The following DENND2A variants were observed in gnomAD, a reference collection of about 807,000 sequenced individuals.
DENND2A encodes DENN domain-containing protein 2A.
Under a neutral mutation model 105.3 loss-of-function variants are expected in DENND2A, and 53 were observed. That is an observed-to-expected ratio of 0.50 (90% CI 0.40 to 0.63). DENND2A has a LOEUF of 0.63. Ranked by LOEUF, DENND2A falls within the 30% of genes least tolerant of loss-of-function variation. The probability of loss-of-function intolerance (pLI) is 0.00; values close to 1 mark genes in which losing one functional copy is unlikely to be tolerated. For synonymous variants in DENND2A, 522 were observed against 508.4 expected, an observed-to-expected ratio of 1.03 and a Z score of -0.36; for missense variants, 1,138 against 1,279.6, an observed-to-expected ratio of 0.89 and a Z score of 1.69.
chr7:140,635,255 G>C (rs269251), intron 1 of DENND2A, among the ~76,000 whole-genome samples: 14,624 of 152,058 alleles, frequency 0.096, 2,281 homozygotes, highest in African/African-American at 0.33. Flanking sequence ...AGAGCAAGAC[G>C]CTGTCTAAAA....
At chr7:140,539,714 G>A (rs527672429) in intron 14 of DENND2A, among the ~76,000 whole-genome samples, 7 of 152,362 alleles carry the variant, frequency 4.6e-5, no homozygotes, top group Admixed American at 3.9e-4. Flanking sequence ...GAAGGCGCCC[G>A]GCACAGAGGC....
chr7:140,639,689 T>C (rs1801111181), intron 1 of DENND2A, among the ~76,000 whole-genome samples: 2 of 152,200 alleles, frequency 1.3e-5, no homozygotes, highest in Admixed American at 1.3e-4. Context: ...CCGATGTCAT[T>C]TGGAACCTTG....
intron 6 of DENND2A, 71 bp from the exon 7 acceptor site, chr7:140,569,809 T>G: frequency 9.4e-7 from 1 of 1,068,554 alleles, no homozygotes; most frequent in Non-Finnish European, 1.5e-6. Context: ...CTTCCCTCAC[T>G]GCCCCTCTCC....
chr7:140,523,894 CG>C lies in DENND2A; in HGVS notation c.2548-471del, dbSNP rs1795950683. ...GGCCGAGCCTACTTTTTACAAGCAA[CG>C]GGAGCCTCGTTTTCCCCACTTGTAA... On this transcript the variant is annotated intron_variant, in intron 16 of 19. Transcript: ENST00000496613. This position sits in a 1 kb window ranked among gnomAD's most constrained non-coding sequence, Gnocchi z 4.5. Among the ~76,000 whole-genome samples the C allele has an allele frequency of 6.6e-6, 1 of 151,884 alleles. No individual in the cohort carries two copies. Among genetic ancestry groups the C allele is most frequent in the Non-Finnish European group, 1.5e-5 (1 of 68,026 alleles).
chr7:140,530,645 G>A (rs868280353), intron 14 of DENND2A, among the ~76,000 whole-genome samples: 14 of 151,800 alleles, frequency 9.2e-5, no homozygotes, highest in African/African-American at 3.1e-4. Context: ...AAAAAAAAAA[G>A]AGTGAGAGAA....
intron 5 of DENND2A, among the ~76,000 whole-genome samples, chr7:140,581,170 A>G (rs1252723056): frequency 6.6e-6 from 1 of 152,038 alleles, no homozygotes; most frequent in Non-Finnish European, 1.5e-5. Context: ...AGGGTGGGGC[A>G]TGAGAATCAC....
chr7:140,576,883 T>C (rs1798321551), intron 5 of DENND2A, among the ~76,000 whole-genome samples: 1 of 152,234 alleles, frequency 6.6e-6, no homozygotes, highest in Non-Finnish European at 1.5e-5. Context: ...CACTGGAATC[T>C]CCTGTCAAAC....
chr7:140,524,959 C>T (rs147515269), intron 16 of DENND2A, among the ~76,000 whole-genome samples: 1,664 of 149,566 alleles, frequency 0.011, 30 homozygotes, highest in African/African-American at 0.04. Flanking sequence ...GATCTCGGCT[C>T]ATTGCAAGCT....
rs146509545 is a variant in DENND2A, at chr7:140,597,170, T to C, written c.995+4233A>G. Among the ~76,000 whole-genome samples, 261 of 152,208 alleles carry C rather than the reference T, an allele frequency of 1.7e-3. 1 individual carries two copies. Among genetic ancestry groups the C allele is most frequent in the African/African-American group, 5.8e-3 (243 of 41,546 alleles). ...AGGAAGAGAAAAAGAAAAATACGCT[T>C]TCTTAAACCGAGGATCTGAATCCGC... On this transcript the variant is annotated intron_variant, in intron 3 of 19. Transcript: ENST00000496613.
At chr7:140,550,355 C>T (rs548539541) in intron 12 of DENND2A, among the ~76,000 whole-genome samples, 1 of 151,998 alleles carries the variant, frequency 6.6e-6, no homozygotes, top group South Asian at 2.1e-4. Context: ...ACCACACTCA[C>T]TTAATTTTTT....
chr7:140,537,514 G>A (rs1056351562), intron 14 of DENND2A, among the ~76,000 whole-genome samples: 6 of 152,202 alleles, frequency 3.9e-5, no homozygotes, highest in African/African-American at 9.6e-5. Flanking sequence ...TGCAGTCATA[G>A]CTCACTAGCC....
intron 14 of DENND2A, among the ~76,000 whole-genome samples, chr7:140,541,117 TGTTCCC>T (rs1319811757): frequency 6.6e-6 from 1 of 152,208 alleles, no homozygotes; most frequent in African/African-American, 2.4e-5. Flanking sequence ...TTCCCTTTTC[TGTTCCC>T]ACCTTTTCTC....
rs139369295 is a variant in DENND2A, at chr7:140,595,410, T to G, written c.995+5993A>C. 1.8e-4 allele frequency among the ~76,000 whole-genome samples: 28 copies of G among 152,066 alleles called. 1 individual carries two copies. Among genetic ancestry groups the G allele is most frequent in the Admixed American group, 1.8e-3 (28 of 15,254 alleles). On this transcript the variant is annotated intron_variant, in intron 3 of 19. Coordinates refer to ENST00000496613, the MANE Select transcript of DENND2A (RefSeq NM_015689.5). The stretch of plus-strand genomic sequence containing the variant: ...AAAAAAAAGCAGCTGTATTATTGAG[T>G]TAATTTTTAGTAAATTGTTTTGAAT...
At chr7:140,628,536 C>CTTTTTT (rs987018660) in intron 1 of DENND2A, among the ~76,000 whole-genome samples, 23 of 116,102 alleles carry the variant, frequency 2.0e-4, no homozygotes, top group East Asian at 1.0e-3. Context: ...AAATTTCTTT[C>CTTTTTT]TTTTTTTTTT....
intron 12 of DENND2A, among the ~76,000 whole-genome samples, chr7:140,551,551 G>A (rs1260104705): frequency 6.6e-6 from 1 of 152,066 alleles, no homozygotes; most frequent in African/African-American, 2.4e-5. Flanking sequence ...AGCCTCTAGA[G>A]CAGCTAGACC....
At position 140,523,312 on chromosome 7, in the gene DENND2A, C is replaced by T; in HGVS notation, c.2660G>A (p.Arg887Lys). 2 of 1,614,164 alleles carry T rather than the reference C, an allele frequency of 1.2e-6. No homozygotes were observed. Among genetic ancestry groups the T allele is most frequent in the South Asian group, 1.1e-5 (1 of 91,084 alleles). ...CEQDEGPLDG[R>K]HGPESSPLNE... ...GGAGGTGGCTGAACACTTACCGTGC[C>T]TGCCGTCTAGGGGCCCTTCGTCCTG... is the stretch of plus-strand genomic sequence containing the variant. Residue 887 changes from arginine to lysine, a missense_variant, in exon 17 of 20, where the codon AGG becomes AAG. Physicochemically the swap from Arg to Lys is conservative, Grantham distance 26. Coordinates refer to ENST00000496613, the MANE Select transcript of DENND2A (RefSeq NM_015689.5). The surrounding 1 kb of genome is among the most constrained non-coding windows in gnomAD (Gnocchi z 4.5).
At chr7:140,518,910 C>T (rs996780111) in intron 19 of DENND2A, among the ~76,000 whole-genome samples, 172 bp from the exon 20 acceptor site, 5 of 152,170 alleles carry the variant, frequency 3.3e-5, no homozygotes, top group Non-Finnish European at 7.3e-5. Flanking sequence ...CAGAGATCCC[C>T]GTGGGGTCTT....
At position 140,568,796 on chromosome 7, in the gene DENND2A, C is replaced by T. The variant is rs1797974192; in HGVS notation, c.1558G>A (p.Glu520Lys). ...TTCTCCTCTGTGTCACTGTCAGACT[C>T]ACTGTTCTCATCTGTCACTAGAAGA... ...NSGKVTDENS[E>K]SDSDTEEKLK... The change falls in exon 8 of 20, where the codon GAG (glutamate) becomes AAG (lysine). Residue 520 changes from glutamate to lysine, a missense_variant. Around this residue, in one of 2 missense-constraint regions of DENND2A, gnomAD observed 627 missense variants for 779.8 expected, o/e 0.80. Coordinates refer to ENST00000496613, the MANE Select transcript of DENND2A (RefSeq NM_015689.5). The T allele has an allele frequency of 6.2e-7, 1 of 1,614,042 alleles. No individual in the cohort carries two copies. Among genetic ancestry groups the T allele is most frequent in the African/African-American group, 1.3e-5 (1 of 74,940 alleles).
At chr7:140,566,299 T>G (rs1797832355) in intron 9 of DENND2A, among the ~76,000 whole-genome samples, 1 of 152,172 alleles carries the variant, frequency 6.6e-6, no homozygotes, top group African/African-American at 2.4e-5. Context: ...CCCAAAGTAC[T>G]GGGATTACAG....
Sources: gnomAD v4.1 joint callset for allele counts (sites outside exome capture counted in the v4.1 genomes callset) on GRCh38, gnomAD v4.1.1 for gene constraint, gnomAD v4.1.1 regional missense constraint, Gnocchi (gnomAD v3.1) non-coding constraint, MANE v1.5 for transcripts, NCBI Gene and HGNC (gene_info 2026-07-23, HGNC 2026-07-21) for gene names.